The following C10orf105 variants were observed in gnomAD, a reference collection of about 807,000 sequenced individuals.
C10orf105 encodes uncharacterized protein C10orf105.
In C10orf105, 2 loss-of-function variants were observed where a neutral mutation model predicts 0.6. The ratio of observed to expected loss-of-function variants is 3.18; its 90% CI spans 1.30 to 10.01. The LOEUF (loss-of-function observed/expected upper bound fraction) is 10.01. Among genes scored for constraint, C10orf105 ranks in the 30% most tolerant of loss-of-function variants. The pLI is 0.04. For missense variants in C10orf105, 209 were observed against 191.4 expected (o/e 1.09, Z -0.54); for synonymous variants, 95 against 82.4 (o/e 1.15, Z -0.83).
rs1209573066 is a variant in C10orf105, at chr10:71,713,022, G to A, written c.*2914C>T. On this transcript the variant is annotated 3_prime_UTR_variant, in exon 2 of 2. Transcript: ENST00000441508. ...TGGGCCCCCAGGTTGCAGAGCTGAGGATAGGGCTCTGGCTCCCCACAAACA... is the reference window on the plus strand; with the variant it reads ...TGGGCCCCCAGGTTGCAGAGCTGAGAATAGGGCTCTGGCTCCCCACAAACA... 4 of 740,000 alleles carry A rather than the reference G, an allele frequency of 5.4e-6. No homozygotes were observed. Among genetic ancestry groups the A allele is most frequent in the Non-Finnish European group, 9.9e-6 (4 of 405,450 alleles). 45.8% of individuals were successfully genotyped at this position (740,000 alleles called of 1,614,324 possible).
In C10orf105 at chr10:71,725,389, T is replaced by C. The variant is rs1482802654; in HGVS notation, c.-5-9047A>G. 6.2e-7 allele frequency: 1 copy of C among 1,613,996 alleles called. No individual in the cohort carries two copies. Among genetic ancestry groups the C allele is most frequent in the Non-Finnish European group, 8.5e-7 (1 of 1,179,884 alleles). On this transcript the variant is annotated intron_variant, in intron 1 of 1. Transcript: ENST00000398786. ...CCACACAGGTAACCATGGCAACAAC[T>C]TCCGGATCCATGTCAGCAATGGGCT... is the stretch of plus-strand genomic sequence containing the variant.
Position 71,734,344 on chromosome 10 carries a change from G to A in C10orf105, c.-6+3384C>T, listed in dbSNP as rs1453440582. On this transcript the variant is annotated intron_variant, in intron 1 of 1. Transcript: ENST00000398786. ...GCCCCAAGGTGGACTCCACCGTGGT[G>A]AGTGGGACCAGGGTGAGAGTCCCTC... 6.2e-6 allele frequency: 10 copies of A among 1,604,314 alleles called. No homozygotes were observed. The highest frequency in any genetic ancestry group is 3.4e-5 in the South Asian group (3 of 89,416).
intron 1 of C10orf105, among the ~76,000 whole-genome samples, chr10:71,731,191 T>G (rs1380638790): frequency 6.6e-6 from 1 of 152,190 alleles, no homozygotes; most frequent in Non-Finnish European, 1.5e-5. Flanking sequence ...GCCTGGGCTG[T>G]CTGGCCTGTA....
intron 1 of C10orf105, among the ~76,000 whole-genome samples, chr10:71,733,573 C>T (rs1839462041): frequency 6.6e-6 from 1 of 152,144 alleles, no homozygotes; most frequent in East Asian, 1.9e-4. Flanking sequence ...AGCTTTGTGC[C>T]AGGAACCAGG....
upstream of C10orf105, chr10:71,724,097 T>C: frequency 6.4e-7 from 1 of 1,558,026 alleles, no homozygotes; most frequent in Non-Finnish European, 8.7e-7. Flanking sequence ...TGGTACCGCA[T>C]CCTCCATGGT....
chr10:71,725,705 C>T lies in C10orf105; in HGVS notation c.-5-9363G>A, dbSNP rs77881188. Among the ~76,000 whole-genome samples, 2,482 of 152,292 alleles carry T rather than the reference C, an allele frequency of 0.016. 75 individuals are homozygous for T. The highest frequency in any genetic ancestry group is 0.058 in the African/African-American group (2,391 of 41,534). ...CCTGGGACTTGGACTTGTCATTTTG[C>T]TGTGAGTTTGTTCCTCCAGCTGTGG... On this transcript the variant is annotated intron_variant, in intron 1 of 1. Coordinates refer to the C10orf105 transcript ENST00000398786.
upstream of C10orf105, among the ~76,000 whole-genome samples, chr10:71,723,414 C>A (rs865933786): frequency 6.6e-5 from 10 of 152,156 alleles, 1 homozygote; most frequent in Non-Finnish European, 1.5e-4. Context: ...CGTCCCCCCC[C>A]ACACACAAGC....
Position 71,715,900 on chromosome 10 carries a change from C to A in C10orf105, c.*36G>T. 6.9e-7 allele frequency: 1 copy of A among 1,443,706 alleles called. No individual in the cohort carries two copies. The highest frequency in any genetic ancestry group is 1.5e-5 in the South Asian group (1 of 67,204). The allele number at this position is 1,443,706 out of a possible 1,614,324, so 89.4% of individuals were successfully genotyped here. The stretch of plus-strand genomic sequence containing the variant: ...GAAGCAGGAGGATCTACAGGTAGAC[C>A]TAGGGGGATGTGGGGGCATGTTTGT... On this transcript the variant is annotated 3_prime_UTR_variant, in exon 2 of 2. Coordinates refer to ENST00000441508, the MANE Select transcript of C10orf105 (RefSeq NM_001164375.3).
intron 1 of C10orf105, chr10:71,717,140 A>G (rs2132774777): frequency 6.6e-6 from 1 of 152,380 alleles, no homozygotes; most frequent in African/African-American, 2.4e-5. Flanking sequence ...CGAAGAGGGG[A>G]TTTGGCATTA....
intron 1 of C10orf105, chr10:71,732,573 C>T: frequency 7.6e-7 from 1 of 1,307,914 alleles, no homozygotes; most frequent in African/African-American, 1.5e-5. Context: ...TTGGAGGCTG[C>T]AGTGAGCTGC....
rs2132820264 is a variant in C10orf105, at chr10:71,730,544, C to T, written c.-6+7184G>A. On this transcript the variant is annotated intron_variant, in intron 1 of 1. Transcript: ENST00000398786. ...GCAGCAGTACAGCCGTCTGGGGCTT[C>T]GAGAGACCGCAGGCATTGGAACGTC... 3 of 1,613,950 alleles carry T rather than the reference C, an allele frequency of 1.9e-6. No individual in the cohort carries two copies. Among genetic ancestry groups the T allele is most frequent in the Non-Finnish European group, 2.5e-6 (3 of 1,179,882 alleles).
In C10orf105 at chr10:71,732,504, T is replaced by C. The variant is rs1274508568; in HGVS notation, c.-6+5224A>G. Reference sequence around the variant, plus strand: ...TGAGATGGCCAAGTGTGGTGTTAGGTACCTGTAGTCCCAGCTGCTTGAGAG... The same window carrying C: ...TGAGATGGCCAAGTGTGGTGTTAGGCACCTGTAGTCCCAGCTGCTTGAGAG... On this transcript the variant is annotated intron_variant, in intron 1 of 1. Coordinates refer to the C10orf105 transcript ENST00000398786. The C allele has an allele frequency of 1.6e-5, 23 of 1,399,970 alleles. No individual in the cohort carries two copies. In the Admixed American group the frequency reaches 4.8e-4, roughly 29 times the overall value. The allele number at this position is 1,399,970 out of a possible 1,614,324, so 86.7% of individuals were successfully genotyped here.
rs1029413793 is a variant in C10orf105, at chr10:71,712,029, G to A, written c.*3907C>T. On this transcript the variant is annotated 3_prime_UTR_variant, in exon 2 of 2. Coordinates refer to ENST00000441508, the MANE Select transcript of C10orf105 (RefSeq NM_001164375.3). ...AGTTAGAAATTAAGGTGTCGGCAGGGTCACGCTTCCTCCAAAGGCTCTAGA... is the reference window on the plus strand; with the variant it reads ...AGTTAGAAATTAAGGTGTCGGCAGGATCACGCTTCCTCCAAAGGCTCTAGA... 7 of 152,176 alleles carry A rather than the reference G, an allele frequency of 4.6e-5. No individual in the cohort carries two copies. Among genetic ancestry groups the A allele is most frequent in the Non-Finnish European group, 7.3e-5 (5 of 68,084 alleles). The allele number at this position is 152,176 out of a possible 1,614,324, so 9.4% of individuals were successfully genotyped here. A position where few individuals can be genotyped will look rare whatever the true frequency, so the allele number is the denominator to read the frequency against.
chr10:71,730,269 T>C (rs1261657176), intron 1 of C10orf105, among the ~76,000 whole-genome samples: 1 of 152,182 alleles, frequency 6.6e-6, no homozygotes, highest in Admixed American at 6.5e-5. Context: ...AAACAAGTAA[T>C]GTTTGAGCAC....
intron 1 of C10orf105, chr10:71,732,377 T>C: frequency 6.4e-7 from 1 of 1,558,256 alleles, no homozygotes. Flanking sequence ...GCCATCACGG[T>C]GAGGGGCTGG....
chr10:71,734,175 G>T, intron 1 of C10orf105: 6 of 1,342,476 alleles, frequency 4.5e-6, no homozygotes, highest in Non-Finnish European at 6.3e-6. Flanking sequence ...GGAAAAGTGG[G>T]CAGAATGACC....
In C10orf105 at chr10:71,719,406, C is replaced by T. The variant is rs74147037; in HGVS notation, c.-6+221G>A. 1.0e-3 allele frequency among the ~76,000 whole-genome samples: 157 copies of T among 152,352 alleles called. 1 individual carries two copies. The highest frequency in any genetic ancestry group is 3.7e-3 in the African/African-American group (154 of 41,578). On this transcript the variant is annotated intron_variant, in intron 1 of 1. Coordinates refer to ENST00000441508, the MANE Select transcript of C10orf105 (RefSeq NM_001164375.3). ...AAGCTCAGTCTAGGACCCTCCTCTT[C>T]CCTTGGAGTTCCACAGAGCAGGACC...
At chr10:71,723,519 G>A (rs1050736820), upstream of C10orf105, among the ~76,000 whole-genome samples, 7 of 152,226 alleles carry the variant, frequency 4.6e-5, no homozygotes, top group Non-Finnish European at 1.5e-5. Flanking sequence ...GCGTGTGAAT[G>A]AGCATGGAGC....
In C10orf105 at chr10:71,713,104, A is replaced by C. The variant is rs1179797616; in HGVS notation, c.*2832T>G. 1.3e-6 allele frequency: 1 copy of C among 770,014 alleles called. No individual in the cohort carries two copies. Among genetic ancestry groups the C allele is most frequent in the East Asian group, 2.5e-5 (1 of 40,784 alleles). The allele number at this position is 770,014 out of a possible 1,614,324, so 47.7% of individuals were successfully genotyped here. A position where few individuals can be genotyped will look rare whatever the true frequency, so the allele number is the denominator to read the frequency against. On this transcript the variant is annotated 3_prime_UTR_variant, in exon 2 of 2. Coordinates refer to ENST00000441508, the MANE Select transcript of C10orf105 (RefSeq NM_001164375.3). ...CCCGCCCCACCCAGAAGGGCCTTTCAGAGTAGCGGGGAGAAAGAGACGTCA... is the reference window on the plus strand; with the variant it reads ...CCCGCCCCACCCAGAAGGGCCTTTCCGAGTAGCGGGGAGAAAGAGACGTCA...
Sources: gnomAD v4.1 joint callset for allele counts (sites outside exome capture counted in the v4.1 genomes callset) on GRCh38, gnomAD v4.1.1 for gene constraint, MANE v1.5 for transcripts, NCBI Gene and HGNC (gene_info 2026-07-23, HGNC 2026-07-21) for gene names.